NEU3: variants seen among roughly 807,000 people sequenced by gnomAD.
NEU3 encodes the protein neuraminidase 3.
Under a neutral mutation model 11.4 loss-of-function variants are expected in NEU3, and 10 were observed. That is an observed-to-expected ratio of 0.88 (90% CI 0.54 to 1.49). The LOEUF is 1.49. Ranked by LOEUF, NEU3 falls within the 40% of genes most tolerant of loss-of-function variation. The pLI, the probability that NEU3 is intolerant of heterozygous loss-of-function variation, is 0.00. For missense variants in NEU3, 529 were observed against 581.8 expected (o/e 0.91, Z 0.93); for synonymous variants, 212 against 228.2 (o/e 0.93, Z 0.64).
downstream of NEU3, among the ~76,000 whole-genome samples, chr11:75,020,270 T>G (rs888092963): frequency 2.0e-5 from 3 of 152,084 alleles, no homozygotes; most frequent in African/African-American, 7.2e-5. Context: ...ACTGTGGACT[T>G]TTGAGTAAAT....
At position 75,006,441 on chromosome 11, in the gene NEU3, G is replaced by C; in HGVS notation, c.1335G>C (p.Gln445His). 1 of 1,613,872 alleles carries C rather than the reference G, an allele frequency of 6.2e-7. No homozygotes were observed. Among genetic ancestry groups the C allele is most frequent in the South Asian group, 1.1e-5 (1 of 91,070 alleles). The change falls in exon 3 of 3, where the codon CAG becomes CAC. Residue 445 changes from glutamine to histidine, a missense_variant. Gln to His is a conservative substitution (Grantham distance 24). Coordinates refer to ENST00000294064, the MANE Select transcript of NEU3 (RefSeq NM_006656.6). ...ACCGGGAGATCCTGAGTCACCTGCA[G>C]GGGGACTGCACCAGCCCTGGTAGGA... Reference protein sequence around the residue: ...FTHREILSHLQGDCTSPGRNP... With the variant: ...FTHREILSHLHGDCTSPGRNP...
At position 75,010,005 on chromosome 11, in the gene NEU3, T is replaced by G. The variant is rs1565499494; in HGVS notation, c.*3513T>G. ...CTCCCCAGGGCAGTAGGAATTGATA[T>G]CTCACTTTTGCCAGATTAGGCTTCT... On this transcript the variant is annotated 3_prime_UTR_variant, in exon 3 of 3. Coordinates refer to ENST00000294064, the MANE Select transcript of NEU3 (RefSeq NM_006656.6). 1 of 152,354 alleles carries G rather than the reference T, an allele frequency of 6.6e-6. No individual in the cohort carries two copies. Among genetic ancestry groups the G allele is most frequent in the South Asian group, 2.1e-4 (1 of 4,828 alleles). The allele number at this position is 152,354 out of a possible 1,614,324, so 9.4% of individuals were successfully genotyped here.
intron 2 of NEU3, among the ~76,000 whole-genome samples, chr11:74,997,583 C>A (rs777173655): frequency 6.6e-6 from 1 of 151,664 alleles, no homozygotes; most frequent in Non-Finnish European, 1.5e-5. Flanking sequence ...TGGTGGCTCA[C>A]GCCTGTAATC....
At chr11:75,003,664 C>A (rs1039042205) in intron 2 of NEU3, among the ~76,000 whole-genome samples, 4 of 152,016 alleles carry the variant, frequency 2.6e-5, no homozygotes, top group African/African-American at 9.7e-5. Flanking sequence ...CTGAGGCAGG[C>A]GGATCACCTG....
At chr11:75,016,349 G>A (rs572288780) in intron 3 of NEU3, among the ~76,000 whole-genome samples, 39 of 152,268 alleles carry the variant, frequency 2.6e-4, no homozygotes, top group Admixed American at 4.6e-4. Context: ...AGCGACCCCA[G>A]ATTCAGATTT....
intron 2 of NEU3, among the ~76,000 whole-genome samples, chr11:74,998,049 A>G (rs1052257183): frequency 6.6e-6 from 1 of 152,118 alleles, no homozygotes; most frequent in Non-Finnish European, 1.5e-5. Context: ...TTGTAGGGTT[A>G]CTAATTGGCC....
rs1489879100 is a variant in NEU3 at position 75,006,735 on chromosome 11, G to C, written c.*243G>C. 2 of 478,864 alleles carry C rather than the reference G, an allele frequency of 4.2e-6. No homozygotes were observed. The highest frequency in any genetic ancestry group is 7.4e-5 in the East Asian group (2 of 27,170). 29.7% of individuals were successfully genotyped at this position (478,864 alleles called of 1,614,324 possible). ...TGCCACTGGCTTGCTTTTGGACCTT[G>C]GATGTGTCACCTGAACTCTCTGGAC... On this transcript the variant is annotated 3_prime_UTR_variant, in exon 3 of 3. Transcript: ENST00000294064.
chr11:75,000,113 A>G (rs1459504771), intron 2 of NEU3, among the ~76,000 whole-genome samples: 1 of 152,232 alleles, frequency 6.6e-6, no homozygotes, highest in African/African-American at 2.4e-5. Flanking sequence ...CCTTTAATGC[A>G]ATTGAAAGTA....
At position 75,006,374 on chromosome 11, in the gene NEU3, C is replaced by A. The variant is rs1014456673; in HGVS notation, c.1268C>A (p.Thr423Asn). 5 of 1,613,926 alleles carry A rather than the reference C, an allele frequency of 3.1e-6. No individual in the cohort carries two copies. In the Admixed American group the frequency reaches 8.3e-5, roughly 27 times the overall value. ...GLFGCLFECG[T>N]KQECEQIAFR... ...TTTGGGTGTTTGTTTGAATGTGGGA[C>A]CAAGCAAGAGTGTGAGCAGATTGCC... Residue 423 changes from threonine to asparagine, a missense_variant, in exon 3 of 3, where the codon ACC (threonine) becomes AAC (asparagine). Physicochemically the swap from Thr to Asn is moderately conservative, Grantham distance 65. Transcript: ENST00000294064.
At chr11:74,995,419 G>A (rs879675043) in intron 2 of NEU3, among the ~76,000 whole-genome samples, 1 of 152,190 alleles carries the variant, frequency 6.6e-6, no homozygotes. Flanking sequence ...TGTATTTTTA[G>A]TGAGGAAAGA....
intron 2 of NEU3, among the ~76,000 whole-genome samples, chr11:75,003,719 A>T (rs568310): frequency 6.6e-6 from 1 of 151,902 alleles, no homozygotes; most frequent in Non-Finnish European, 1.5e-5. Context: ...GTGAAACCCC[A>T]TCTCTACTAA....
chr11:75,020,661 C>CTCT (rs1948999623), downstream of NEU3, among the ~76,000 whole-genome samples: 1 of 152,186 alleles, frequency 6.6e-6, no homozygotes. Context: ...TCAATTAAAC[C>CTCT]TCTTTCTTTT....
intron 2 of NEU3, among the ~76,000 whole-genome samples, chr11:74,995,767 G>T (rs1227778932): frequency 6.7e-6 from 1 of 149,318 alleles, no homozygotes; most frequent in Non-Finnish European, 1.5e-5. Context: ...TTATCAGGGT[G>T]GTGGTTGCTG....
intron 2 of NEU3, among the ~76,000 whole-genome samples, chr11:75,001,097 T>C (rs1948839999): frequency 6.6e-6 from 1 of 152,068 alleles, no homozygotes; most frequent in Non-Finnish European, 1.5e-5. Context: ...TGGTTCTAGT[T>C]TTCCACATCC....
chr11:74,983,575 A>G (rs1948651413), upstream of NEU3, among the ~76,000 whole-genome samples: 1 of 152,228 alleles, frequency 6.6e-6, no homozygotes, highest in Non-Finnish European at 1.5e-5. Context: ...GCTTCCTGAA[A>G]GCGTAACTGA....
downstream of NEU3, among the ~76,000 whole-genome samples, chr11:75,012,005 G>A (rs920169495): frequency 2.0e-5 from 3 of 152,074 alleles, no homozygotes; most frequent in Non-Finnish European, 2.9e-5. Flanking sequence ...TTGCTTATAA[G>A]TGCCTTCTTG....
At chr11:75,004,400 G>A (rs745768331) in intron 2 of NEU3, 1 of 508,988 alleles carries the variant, frequency 2.0e-6, no homozygotes, top group East Asian at 3.4e-5. Context: ...ACTGTGCCTG[G>A]CCATTGTCAG....
Position 75,005,612 on chromosome 11 carries a change from G to A in NEU3, c.506G>A (p.Cys169Tyr), listed in dbSNP as rs1214524100. The A allele has an allele frequency of 7.4e-6, 12 of 1,613,888 alleles. No homozygotes were observed. In the Middle Eastern group the frequency reaches 4.9e-4, roughly 66 times the overall value. The change falls in exon 3 of 3, where the codon TGT becomes TAT. Residue 169 changes from cysteine to tyrosine, a missense_variant. Physicochemically the swap from Cys to Tyr is radical, Grantham distance 194. Transcript: ENST00000294064. ...LCFIYSQDAG[C>Y]SWSEVRDLTE... ...TTCATCTACAGTCAGGATGCTGGAT[G>A]TTCATGGAGTGAGGTGAGGGACTTG...
intron 2 of NEU3, chr11:75,004,466 T>G: frequency 2.1e-6 from 1 of 471,614 alleles, no homozygotes; most frequent in Non-Finnish European, 3.7e-6. Flanking sequence ...TTTTTTCTCT[T>G]TCTGTGAGTT....
Sources: gnomAD v4.1 joint callset for allele counts (sites outside exome capture counted in the v4.1 genomes callset) on GRCh38, gnomAD v4.1.1 for gene constraint, MANE v1.5 for transcripts, NCBI Gene and HGNC (gene_info 2026-07-23, HGNC 2026-07-21) for gene names.